Variants in METTL6 observed in about 807,000 individuals in gnomAD.
The protein encoded by METTL6 is tRNA N(3)-cytidine methyltransferase METTL6.
A neutral mutation model predicts 26.4 loss-of-function variants in METTL6; 22 were observed. The observed-to-expected ratio is 0.83, with a 90% CI of 0.59 to 1.19. METTL6 has a LOEUF of 1.19. Among genes scored for constraint, METTL6 ranks in the 50% most tolerant of loss-of-function variants. METTL6 has a pLI of 0.00. For missense variants in METTL6, 304 were observed against 324.8 expected (o/e 0.94, Z 0.49); for synonymous variants, 109 against 116.2 (o/e 0.94, Z 0.40).
downstream of METTL6, among the ~76,000 whole-genome samples, chr3:15,406,615 TATATATATATATATAGAGAGAG>T (rs1261550662): frequency 2.1e-3 from 114 of 54,646 alleles, no homozygotes; most frequent in African/African-American, 7.9e-3. Context: ...TATATATATA[TATATATATATATATAGAGAGAG>T]AGAGAGAGAG....
At chr3:15,425,201 C>G (rs1265290229) in intron 2 of METTL6, 112 bp from the exon 3 acceptor site, 1 of 1,141,244 alleles carries the variant, frequency 8.8e-7, no homozygotes, top group African/African-American at 1.6e-5. Flanking sequence ...AGCAGACGAT[C>G]AACAAGAGAA....
At chr3:15,412,867 T>A in intron 5 of METTL6, among the ~76,000 whole-genome samples, 1 of 152,186 alleles carries the variant, frequency 6.6e-6, no homozygotes, top group African/African-American at 2.4e-5. Flanking sequence ...TATCTTCCTG[T>A]CTAGATGATT....
In METTL6 at chr3:15,417,556, T is replaced by A. The variant is rs1371143867; in HGVS notation, c.361-1614A>T. Reference sequence around the variant, plus strand: ...CAAAATATATTACAAAACGTAGTAATAAAACAACATGGTTTGAGAATGGAG... The same window carrying A: ...CAAAATATATTACAAAACGTAGTAAAAAAACAACATGGTTTGAGAATGGAG... On this transcript the variant is annotated intron_variant, in intron 3 of 5. Coordinates refer to ENST00000383790, the MANE Select transcript of METTL6 (RefSeq NM_152396.4). Among the ~76,000 whole-genome samples the A allele has an allele frequency of 1.8e-4, 28 of 151,878 alleles. 1 individual carries two copies. Among genetic ancestry groups the A allele is most frequent in the Admixed American group, 1.7e-3 (26 of 15,252 alleles).
At chr3:15,390,820 C>T (rs9859655) in intron 6 of METTL6, among the ~76,000 whole-genome samples, 112,524 of 148,446 alleles carry the variant, frequency 0.76, 42,552 homozygotes, top group East Asian at 0.94. Flanking sequence ...TCATGTCACA[C>T]GAACAGATTG....
intron 6 of METTL6, among the ~76,000 whole-genome samples, chr3:15,396,937 C>T (rs1214996364): frequency 6.6e-6 from 1 of 152,184 alleles, no homozygotes; most frequent in Non-Finnish European, 1.5e-5. Context: ...GGGTCAGGGA[C>T]CCACTTGAGG....
chr3:15,418,185 T>G (rs936579152), intron 3 of METTL6, among the ~76,000 whole-genome samples: 3 of 152,032 alleles, frequency 2.0e-5, no homozygotes, highest in Non-Finnish European at 4.4e-5. Flanking sequence ...GCAAAAAACA[T>G]AGTGTGAAGA....
intron 6 of METTL6, among the ~76,000 whole-genome samples, chr3:15,395,900 C>T (rs1034543461): frequency 2.0e-5 from 3 of 152,100 alleles, no homozygotes; most frequent in African/African-American, 7.2e-5. Context: ...GTGAGTAATC[C>T]GATCTTTCTC....
intron 6 of METTL6, among the ~76,000 whole-genome samples, chr3:15,403,197 A>G (rs887093531): frequency 1.3e-4 from 20 of 151,784 alleles, no homozygotes; most frequent in Admixed American, 3.3e-4. Flanking sequence ...TGGTCTCCCA[A>G]CTCCTGGTCT....
At chr3:15,398,468 A>G (rs1194743713) in intron 6 of METTL6, among the ~76,000 whole-genome samples, 1 of 152,088 alleles carries the variant, frequency 6.6e-6, no homozygotes, top group Non-Finnish European at 1.5e-5. Context: ...TGCTGGGATT[A>G]CAGGCATGAG....
At chr3:15,390,065 T>C (rs1425975407) in intron 6 of METTL6, among the ~76,000 whole-genome samples, 1 of 151,798 alleles carries the variant, frequency 6.6e-6, no homozygotes, top group Non-Finnish European at 1.5e-5. Flanking sequence ...GCCAAACACT[T>C]GTCAGATAGT....
chr3:15,401,726 A>G (rs78529151), intron 6 of METTL6, among the ~76,000 whole-genome samples: 10,646 of 152,122 alleles, frequency 0.07, 502 homozygotes, highest in East Asian at 0.19. Context: ...GGTAAAACAC[A>G]TGCCCACCAG....
At chr3:15,401,554 AAAAG>A (rs1553626465) in intron 6 of METTL6, among the ~76,000 whole-genome samples, 1,761 of 147,642 alleles carry the variant, frequency 0.012, 19 homozygotes, top group South Asian at 0.03. Flanking sequence ...AAAAAAAAAA[AAAAG>A]AAAGAAAGAA....
At chr3:15,423,066 G>A (rs1040725570) in intron 3 of METTL6, among the ~76,000 whole-genome samples, 1 of 152,184 alleles carries the variant, frequency 6.6e-6, no homozygotes, top group Non-Finnish European at 1.5e-5. Context: ...AGAGGTATGG[G>A]GTAGGGCAAG....
At chr3:15,391,635 C>T (rs1285585826) in intron 6 of METTL6, among the ~76,000 whole-genome samples, 2 of 148,730 alleles carry the variant, frequency 1.3e-5, no homozygotes, top group Non-Finnish European at 3.0e-5. Flanking sequence ...TCTCCTAATG[C>T]TATCCCTCCC....
chr3:15,385,891 GT>G (rs1392980476), intron 6 of METTL6, among the ~76,000 whole-genome samples: 1 of 152,170 alleles, frequency 6.6e-6, no homozygotes, highest in African/African-American at 2.4e-5. Context: ...TCTTAGAATT[GT>G]AGTGTTACCA....
At chr3:15,383,579 G>GAA (rs1358026895) in exon 7 of METTL6, 3 of 151,778 alleles carry the variant, frequency 2.0e-5, no homozygotes, top group Admixed American at 2.0e-4. Flanking sequence ...TCAATACAAA[G>GAA]AAAAAGAAGT....
intron 6 of METTL6, among the ~76,000 whole-genome samples, chr3:15,395,252 A>T (rs1559480680): frequency 1.3e-5 from 2 of 152,174 alleles, no homozygotes; most frequent in Non-Finnish European, 2.9e-5. Flanking sequence ...ACCATTATGT[A>T]ATGGCCTTCT....
chr3:15,391,119 C>A (rs894139328), intron 6 of METTL6, among the ~76,000 whole-genome samples: 5 of 152,242 alleles, frequency 3.3e-5, no homozygotes, highest in Admixed American at 1.3e-4. Flanking sequence ...TCAGTTGCTT[C>A]TCTGCTTACT....
Position 15,426,437 on chromosome 3 carries a change from G to T in METTL6, c.75C>A (p.Asp25Glu), listed in dbSNP as rs1367692842. The T allele has an allele frequency of 3.7e-6, 6 of 1,614,148 alleles. No homozygotes were observed. In the Admixed American group the frequency reaches 8.3e-5, roughly 22 times the overall value. The part of the protein sequence containing the change: ...TSEEEEKLKR[D>E]QTLVSDFKQQ... ...GTTTAAAATCAGACACCAAAGTTTG[G>T]TCTCTTTTCAGTTTCTCCTCTTCTT... Residue 25 changes from aspartate to glutamate, a missense_variant, in exon 2 of 6, where the codon GAC becomes GAA. Transcript: ENST00000383790.
Sources: allele counts gnomAD v4.1 joint callset (sites outside exome capture counted in the v4.1 genomes callset), GRCh38; gene constraint gnomAD v4.1.1; transcripts MANE v1.5; gene names NCBI Gene and HGNC (gene_info 2026-07-23, HGNC 2026-07-21).